The following CCDC102B variants were observed in gnomAD, a reference collection of about 807,000 sequenced individuals.
The protein encoded by CCDC102B is coiled-coil domain-containing protein 102B.
Under a neutral mutation model 57.4 loss-of-function variants are expected in CCDC102B, and 75 were observed. The ratio of observed to expected loss-of-function variants is 1.31; its 90% CI spans 1.08 to 1.58. The LOEUF is 1.58. Ranked by LOEUF, CCDC102B falls within the 40% of genes most tolerant of loss-of-function variation. The probability of loss-of-function intolerance (pLI) is 0.00; values close to 1 mark genes in which losing one functional copy is unlikely to be tolerated. For synonymous variants in CCDC102B, 206 were observed against 201.9 expected, an observed-to-expected ratio of 1.02 and a Z score of -0.17; for missense variants, 636 against 582.6, an observed-to-expected ratio of 1.09 and a Z score of -0.94.
intron 3 of CCDC102B, among the ~76,000 whole-genome samples, chr18:68,844,649 A>C (rs1019488235): frequency 6.6e-6 from 1 of 151,960 alleles, no homozygotes; most frequent in African/African-American, 2.4e-5. Flanking sequence ...CTCAAATGTT[A>C]GATATGCAAT....
intron 6 of CCDC102B, among the ~76,000 whole-genome samples, chr18:68,975,688 A>G (rs1200629212): frequency 6.6e-6 from 1 of 152,000 alleles, no homozygotes; most frequent in Non-Finnish European, 1.5e-5. Flanking sequence ...TGTAGTGTTC[A>G]TTCACTACCA....
At chr18:68,908,629 C>T (rs1433925335) in intron 6 of CCDC102B, 2 of 152,152 alleles carry the variant, frequency 1.3e-5, no homozygotes, top group African/African-American at 4.8e-5. Context: ...TTTTTAAATA[C>T]ATTTTCCTCT....
At chr18:68,857,205 TATATAA>T (rs2038464181) in intron 4 of CCDC102B, among the ~76,000 whole-genome samples, 1 of 67,394 alleles carries the variant, frequency 1.5e-5, no homozygotes, top group Non-Finnish European at 2.6e-5. Context: ...TTTTATATAA[TATATAA>T]AAATATATTT....
Position 68,821,875 on chromosome 18 carries a change from A to G in CCDC102B, c.-15-14874A>G, listed in dbSNP as rs372457885. Among the ~76,000 whole-genome samples the G allele has an allele frequency of 8.3e-4, 127 of 152,214 alleles. 1 individual carries two copies. The highest frequency in any genetic ancestry group is 2.9e-3 in the African/African-American group (119 of 41,540). The stretch of plus-strand genomic sequence containing the variant: ...AGAAAAATAAAATAAAATATTCCAA[A>G]ATAATTTCAAAACTCCCTTAGGAAA... On this transcript the variant is annotated intron_variant, in intron 1 of 7. Coordinates refer to ENST00000360242, the MANE Select transcript of CCDC102B (RefSeq NM_024781.3).
intron 6 of CCDC102B, among the ~76,000 whole-genome samples, chr18:68,913,167 C>T (rs2040932911): frequency 6.6e-6 from 1 of 152,072 alleles, no homozygotes; most frequent in Non-Finnish European, 1.5e-5. Context: ...TTTAAATTCC[C>T]ACAGCATTTG....
chr18:68,964,794 G>A (rs1038629907), intron 6 of CCDC102B, among the ~76,000 whole-genome samples: 2 of 151,592 alleles, frequency 1.3e-5, no homozygotes, highest in Admixed American at 6.6e-5. Flanking sequence ...TCTTACTTTT[G>A]GCACATCTGA....
At chr18:68,896,527 A>C (rs986847663) in intron 5 of CCDC102B, among the ~76,000 whole-genome samples, 1 of 151,986 alleles carries the variant, frequency 6.6e-6, no homozygotes, top group Non-Finnish European at 1.5e-5. Flanking sequence ...CTCTCTCAAC[A>C]GCTTAACTTA....
intron 5 of CCDC102B, among the ~76,000 whole-genome samples, chr18:68,891,931 T>G (rs1599643932): frequency 6.6e-6 from 1 of 152,218 alleles, no homozygotes; most frequent in African/African-American, 2.4e-5. Context: ...TTGGGTAGGA[T>G]TTTCCAGGGA....
At chr18:68,742,139 C>T (rs1213236377) in intron 2 of CCDC102B, among the ~76,000 whole-genome samples, 3 of 152,102 alleles carry the variant, frequency 2.0e-5, no homozygotes, top group South Asian at 2.1e-4. Context: ...AGATGTCTCC[C>T]GGGATGATTC....
chr18:68,743,240 TAA>T (rs2033472896), intron 2 of CCDC102B, among the ~76,000 whole-genome samples: 3 of 61,290 alleles, frequency 4.9e-5, no homozygotes, highest in Admixed American at 4.2e-4. Flanking sequence ...AATAAATAAA[TAA>T]ATAAATAAAT....
rs1418142414 is a variant in CCDC102B, at chr18:68,943,130, C to G, written c.1263+45702C>G. On this transcript the variant is annotated intron_variant, in intron 6 of 7. Transcript: ENST00000360242. ...GGGTAGGGTTACAGATTAACAGTAT[C>G]TCAAGGCAGAAGAATTTTTCTTAGT... 5.4e-5 allele frequency among the ~76,000 whole-genome samples: 8 copies of G among 148,074 alleles called. 1 individual carries two copies. The highest frequency in any genetic ancestry group is 9.0e-5 in the Non-Finnish European group (6 of 66,666).
intron 3 of CCDC102B, among the ~76,000 whole-genome samples, chr18:68,843,383 A>G (rs942978895): frequency 6.6e-5 from 10 of 152,292 alleles, no homozygotes; most frequent in Non-Finnish European, 1.3e-4. Context: ...CAGTTCAACA[A>G]TGATTAATAT....
chr18:69,054,066 A>G lies in CCDC102B; in HGVS notation c.1471A>G (p.Arg491Gly), dbSNP rs759297157. The change falls in exon 8 of 8, where the codon AGG (arginine) becomes GGG (glycine). Residue 491 changes from arginine (R) to glycine (G), a missense_variant. Physicochemically the swap from Arg to Gly is moderately radical, Grantham distance 125. Coordinates refer to ENST00000360242, the MANE Select transcript of CCDC102B (RefSeq NM_024781.3). ...DSLNQIRKLQ[R>G]SLDEEKERNE... ...CCTGAATCAGATCCGTAAGCTCCAGAGGTCTCTGGATGAAGAGAAAGAAAG... is the reference window on the plus strand; with the variant it reads ...CCTGAATCAGATCCGTAAGCTCCAGGGGTCTCTGGATGAAGAGAAAGAAAG... 16 of 1,607,050 alleles carry G rather than the reference A, an allele frequency of 1.0e-5. No individual in the cohort carries two copies. In the Admixed American group the frequency reaches 1.4e-4, roughly 14 times the overall value.
At chr18:68,873,795 G>A (rs1013189872) in intron 4 of CCDC102B, among the ~76,000 whole-genome samples, 5 of 151,622 alleles carry the variant, frequency 3.3e-5, no homozygotes, top group Non-Finnish European at 7.4e-5. Context: ...TACATATTAT[G>A]GATGATGGAA....
At chr18:68,772,483 G>C (rs2034672630) in intron 2 of CCDC102B, among the ~76,000 whole-genome samples, 1 of 152,082 alleles carries the variant, frequency 6.6e-6, no homozygotes, top group Non-Finnish European at 1.5e-5. Flanking sequence ...TGTCGAGCTT[G>C]GCTCTCTTCA....
intron 5 of CCDC102B, among the ~76,000 whole-genome samples, chr18:68,881,701 T>A (rs188858508): frequency 2.1e-4 from 32 of 152,272 alleles, no homozygotes; most frequent in Admixed American, 9.8e-4. Context: ...ACATCAGAAC[T>A]TCTTGAGTTT....
rs902968995 is a variant in CCDC102B, at chr18:68,965,530, T to C, written c.1264-45404T>C. 4.6e-5 allele frequency among the ~76,000 whole-genome samples: 7 copies of C among 151,720 alleles called. No individual in the cohort carries two copies. In the East Asian group the frequency reaches 1.2e-3, roughly 25 times the overall value. On this transcript the variant is annotated intron_variant, in intron 6 of 7. Transcript: ENST00000360242. ...TTTGTGATGGCTTCTTTAAAATCCT[T>C]GTCAGACCAACATGGCACATGTATA... is the stretch of plus-strand genomic sequence containing the variant.
intron 6 of CCDC102B, among the ~76,000 whole-genome samples, chr18:68,958,909 G>C (rs1338475925): frequency 6.6e-6 from 1 of 151,946 alleles, no homozygotes; most frequent in Non-Finnish European, 1.5e-5. Flanking sequence ...CCTTCTCTGT[G>C]TTATATTTTA....
At chr18:68,948,506 A>T (rs959254038) in intron 6 of CCDC102B, among the ~76,000 whole-genome samples, 2 of 152,146 alleles carry the variant, frequency 1.3e-5, no homozygotes, top group African/African-American at 4.8e-5. Flanking sequence ...GGAAAAATCA[A>T]TGAAACATTG....
Sources: allele counts gnomAD v4.1 joint callset (sites outside exome capture counted in the v4.1 genomes callset), GRCh38; gene constraint gnomAD v4.1.1; transcripts MANE v1.5; gene names NCBI Gene and HGNC (gene_info 2026-07-23, HGNC 2026-07-21).